Variants in SDHB observed in about 807,000 individuals in gnomAD.
SDHB encodes the protein succinate dehydrogenase [ubiquinone] iron-sulfur subunit, mitochondrial.
SDHB carries 21 observed loss-of-function variants against 39.7 expected under a neutral mutation model. The ratio of observed to expected loss-of-function variants is 0.53; its 90% CI spans 0.37 to 0.76. The LOEUF (loss-of-function observed/expected upper bound fraction) is 0.76. Among genes scored for constraint, SDHB ranks in the 30% least tolerant of loss-of-function variants. SDHB has a pLI of 0.00. For synonymous variants in SDHB, 118 were observed against 117.0 expected, an observed-to-expected ratio of 1.01 and a Z score of -0.06; for missense variants, 343 against 350.9, an observed-to-expected ratio of 0.98 and a Z score of 0.18.
intron 2 of SDHB, among the ~76,000 whole-genome samples, chr1:17,037,492 T>C (rs1156896599): frequency 6.6e-6 from 1 of 150,612 alleles, no homozygotes; most frequent in Non-Finnish European, 1.5e-5. Context: ...AGTCTTGCTC[T>C]GTTGCCCAGG....
intron 1 of SDHB, among the ~76,000 whole-genome samples, chr1:17,049,881 G>C (rs185844074): frequency 4.0e-5 from 6 of 151,878 alleles, no homozygotes; most frequent in Non-Finnish European, 7.4e-5. Flanking sequence ...TCCTGATGTC[G>C]TGATCCACCT....
At chr1:17,033,814 C>T (rs2078035307) in intron 2 of SDHB, among the ~76,000 whole-genome samples, 1 of 152,186 alleles carries the variant, frequency 6.6e-6, no homozygotes, top group Admixed American at 6.5e-5. Context: ...CACAGGATTG[C>T]TGGAGGTGAG....
intron 2 of SDHB, among the ~76,000 whole-genome samples, 189 bp downstream of exon 2, chr1:17,044,572 C>T (rs561951635): frequency 2.0e-5 from 3 of 152,264 alleles, no homozygotes; most frequent in South Asian, 4.1e-4. Context: ...ATGATCTGCC[C>T]GCCTGAGCCT....
At position 17,053,774 on chromosome 1, in the gene SDHB, G is replaced by C. The variant is rs2746463; in HGVS notation, c.72+174C>G. Among the ~76,000 whole-genome samples, 14,503 of 149,292 alleles carry C rather than the reference G, an allele frequency of 0.097. 888 individuals carry two copies. The highest frequency in any genetic ancestry group is 0.17 in the African/African-American group (6,981 of 40,476). ...CACAAGCTGCTGCGAGGCGCAGAAAGATAACTTGACAGGGATGCTCGAAGC... is the reference window on the plus strand; with the variant it reads ...CACAAGCTGCTGCGAGGCGCAGAAACATAACTTGACAGGGATGCTCGAAGC... On this transcript the variant is annotated intron_variant, in intron 1 of 7. Transcript: ENST00000375499.
intron 1 of SDHB, among the ~76,000 whole-genome samples, chr1:17,048,360 T>C (rs918694240): frequency 4.6e-5 from 7 of 152,240 alleles, no homozygotes; most frequent in Non-Finnish European, 7.3e-5. Flanking sequence ...CAAGGTATCA[T>C]GTACCACAAT....
At chr1:17,028,575 A>C (rs2101522852) in intron 4 of SDHB, 25 bp downstream of exon 4, 4 of 1,613,722 alleles carry the variant, frequency 2.5e-6, no homozygotes, top group Non-Finnish European at 3.4e-6. Flanking sequence ...AATAAAAACA[A>C]AACCAGAGAG....
Position 17,044,808 on chromosome 1 carries a change from C to T in SDHB, c.153G>A (p.Lys51=). ...KFAIYRWDPD[K]AGDKPHMQTY... is the part of the protein sequence containing the mutation. ...TCTGCATATGAGGTTTGTCTCCAGC[C>T]TTGTCTGGGTCCCATCGATAGATGG... Residue 51 remains lysine, a synonymous_variant, in exon 2 of 8, where the codon AAG becomes AAA. Coordinates refer to ENST00000375499, the MANE Select transcript of SDHB (RefSeq NM_003000.3). 1 of 1,614,116 alleles carries T rather than the reference C, an allele frequency of 6.2e-7. No individual in the cohort carries two copies. Among genetic ancestry groups the T allele is most frequent in the Non-Finnish European group, 8.5e-7 (1 of 1,180,012 alleles).
intron 2 of SDHB, among the ~76,000 whole-genome samples, chr1:17,041,944 CAG>C (rs2078082380): frequency 6.6e-6 from 1 of 150,938 alleles, no homozygotes; most frequent in Admixed American, 6.6e-5. Flanking sequence ...TTTTTTGAGA[CAG>C]AGTCTCACTC....
intron 7 of SDHB, among the ~76,000 whole-genome samples, chr1:17,020,654 C>T (rs2077956099): frequency 1.3e-5 from 2 of 152,354 alleles, no homozygotes; most frequent in South Asian, 4.1e-4. Flanking sequence ...AAGCCCAGTA[C>T]TCATGTTTTT....
chr1:17,044,685 C>T (rs2078098903), intron 2 of SDHB, 76 bp downstream of exon 2: 9 of 1,533,596 alleles, frequency 5.9e-6, no homozygotes, highest in Non-Finnish European at 8.1e-6. Context: ...TTAAGCCTTC[C>T]AAGGATGTGA....
chr1:17,019,219 C>T (rs2077947667), intron 7 of SDHB, among the ~76,000 whole-genome samples: 1 of 152,194 alleles, frequency 6.6e-6, no homozygotes, highest in African/African-American at 2.4e-5. Context: ...AACAGGTAAA[C>T]AGGCCCAGGG....
At chr1:17,035,814 C>T (rs924507581) in intron 2 of SDHB, among the ~76,000 whole-genome samples, 7 of 151,732 alleles carry the variant, frequency 4.6e-5, no homozygotes, top group East Asian at 3.9e-4. Context: ...GAGCCGAGAC[C>T]GCACCACTGC....
chr1:17,028,706 T>C lies in SDHB; in HGVS notation c.317A>G (p.Asn106Ser), dbSNP rs934514080. ...GGTGCAAGCTAGAGTGTTGCCTCCA[T>C]TGATGTTCATTGCACAAGAGCCACA... is the stretch of plus-strand genomic sequence containing the variant. The part of the protein sequence containing the change: ...GICGSCAMNI[N>S]GGNTLACTRR... Residue 106 changes from asparagine (N) to serine (S), a missense_variant, in exon 4 of 8, where the codon AAT (asparagine) becomes AGT (serine). Asn to Ser is a conservative substitution (Grantham distance 46). Transcript: ENST00000375499. 18 of 1,614,044 alleles carry C rather than the reference T, an allele frequency of 1.1e-5. No individual in the cohort carries two copies. The highest frequency in any genetic ancestry group is 1.6e-4 in the Middle Eastern group (1 of 6,084).
At chr1:17,044,077 A>T (rs2078095457) in intron 2 of SDHB, among the ~76,000 whole-genome samples, 1 of 120,346 alleles carries the variant, frequency 8.3e-6, no homozygotes, top group Non-Finnish European at 2.1e-5. Flanking sequence ...TCCAATTTTT[A>T]ACATTTTAAC....
intron 1 of SDHB, among the ~76,000 whole-genome samples, chr1:17,045,940 A>G (rs2078107236): frequency 1.3e-5 from 2 of 152,212 alleles, no homozygotes; most frequent in African/African-American, 4.8e-5. Context: ...TTTCATTTCA[A>G]TAAATCTATG....
At chr1:17,027,473 C>T (rs1363869808) in intron 5 of SDHB, among the ~76,000 whole-genome samples, 1 of 152,208 alleles carries the variant, frequency 6.6e-6, no homozygotes, top group East Asian at 1.9e-4. Context: ...AATTTACATA[C>T]TGGTTTCTTT....
chr1:17,029,020 C>A (rs1451427532), intron 3 of SDHB, among the ~76,000 whole-genome samples: 1 of 147,068 alleles, frequency 6.8e-6, no homozygotes, highest in Non-Finnish European at 1.5e-5. Flanking sequence ...GAGGCCTGGG[C>A]GCTGCTGGCA....
At chr1:17,052,524 G>C (rs2078154405) in intron 1 of SDHB, 1 of 152,218 alleles carries the variant, frequency 6.6e-6, no homozygotes, top group African/African-American at 2.4e-5. Context: ...TCTTAGAAGA[G>C]GGGCTTGGAA....
intron 3 of SDHB, among the ~76,000 whole-genome samples, chr1:17,032,340 A>T (rs1354183723): frequency 1.5e-5 from 2 of 135,286 alleles, no homozygotes; most frequent in African/African-American, 6.7e-5. Flanking sequence ...GGCGTCCGCT[A>T]TCACGCCCGG....
Sources: gnomAD v4.1 joint callset for allele counts (sites outside exome capture counted in the v4.1 genomes callset) on GRCh38, gnomAD v4.1.1 for gene constraint, MANE v1.5 for transcripts, NCBI Gene and HGNC (gene_info 2026-07-23, HGNC 2026-07-21) for gene names.